TENM3: variants seen among roughly 807,000 people sequenced by gnomAD.
TENM3 encodes teneurin transmembrane protein 3.
A neutral mutation model predicts 255.1 loss-of-function variants in TENM3; 63 were observed. The observed-to-expected ratio is 0.25, with a 90% confidence interval of 0.20 to 0.30. The LOEUF (loss-of-function observed/expected upper bound fraction) is 0.30. Ranked by LOEUF, TENM3 falls within the 10% of genes least tolerant of loss-of-function variation. TENM3 has a pLI of 1.00. For missense variants in TENM3, 2,929 were observed against 3,461.1 expected (o/e 0.85, Z 3.86); for synonymous variants, 1,306 against 1,322.3 (o/e 0.99, Z 0.27).
intron 1 of TENM3, among the ~76,000 whole-genome samples, chr4:182,220,068 T>C (rs2149953969): frequency 6.6e-6 from 1 of 152,212 alleles, no homozygotes; most frequent in East Asian, 1.9e-4. Context: ...TCTTCTGATC[T>C]GGTGGCTTGT....
rs182836173 is a variant in TENM3 at position 182,721,530 on chromosome 4, G to A, written c.2368+7297G>A. Among the ~76,000 whole-genome samples the A allele has an allele frequency of 1.4e-4, 21 of 152,086 alleles. No individual in the cohort carries two copies. The East Asian group carries it at 2.7e-3, about 20-fold the overall frequency. On this transcript the variant is annotated intron_variant, in intron 13 of 27. Transcript: ENST00000511685. ...CTTAGTATAGAGACAAATCTGTAGC[G>A]AATCTGTGTGTGTGTGTGTGAGTGT...
At chr4:182,063,522 C>A in the TENM3 span, among the ~76,000 whole-genome samples, 1 of 152,200 alleles carries the variant, frequency 6.6e-6, no homozygotes. Flanking sequence ...CCTGTTTATT[C>A]AAGTGCTCCC....
At chr4:182,720,908 C>T (rs1321063084) in intron 13 of TENM3, among the ~76,000 whole-genome samples, 3 of 151,994 alleles carry the variant, frequency 2.0e-5, no homozygotes, top group Non-Finnish European at 2.9e-5. Context: ...GCTGGAATTA[C>T]AGGCGCTTGC....
Position 182,553,539 on chromosome 4 carries a change from AT to A in TENM3, c.512-47382del, listed in dbSNP as rs1300668915. 2.6e-3 allele frequency among the ~76,000 whole-genome samples: 393 copies of A among 150,804 alleles called. 1 individual carries two copies. Among genetic ancestry groups the A allele is most frequent in the African/African-American group, 8.7e-3 (356 of 40,792 alleles). ...GAACTTAAAGTATAATAATAATAAAATTTAAAAAAAAAAAGAAAATTGAAAC... is the reference window on the plus strand; with the variant it reads ...GAACTTAAAGTATAATAATAATAAAATTAAAAAAAAAAAGAAAATTGAAAC... On this transcript the variant is annotated intron_variant, in intron 3 of 27. Transcript: ENST00000511685.
chr4:181,913,132 C>A, the TENM3 span, among the ~76,000 whole-genome samples: 1 of 152,042 alleles, frequency 6.6e-6, no homozygotes, highest in African/African-American at 2.4e-5. Flanking sequence ...GATGAGCTGT[C>A]CATCTCACTG....
chr4:181,993,297 T>G, the TENM3 span, among the ~76,000 whole-genome samples: 1 of 152,180 alleles, frequency 6.6e-6, no homozygotes, highest in Non-Finnish European at 1.5e-5. Context: ...AGATGCTAAC[T>G]TCACTCATTA....
rs192260028 is a variant in TENM3 at position 182,768,534 on chromosome 4, G to A, written c.4893-4938G>A. Among the ~76,000 whole-genome samples, 119 of 152,144 alleles carry A rather than the reference G, an allele frequency of 7.8e-4. 1 individual carries two copies. The highest frequency in any genetic ancestry group is 2.7e-3 in the African/African-American group (114 of 41,502). On this transcript the variant is annotated intron_variant, in intron 22 of 27. Transcript: ENST00000511685. ...AGATAGACCCATTTTAAAAGTCTAG[G>A]GAAGCTCTGGGAATAGAAAGATAAA...
chr4:181,883,699 G>C, the TENM3 span, among the ~76,000 whole-genome samples: 93 of 152,056 alleles, frequency 6.1e-4, no homozygotes, highest in Non-Finnish European at 1.0e-3. Flanking sequence ...GGATGGTCTC[G>C]ATCTCCTGAC....
In TENM3 at chr4:182,800,524, A is replaced by C. The variant is rs963606093; in HGVS notation, c.*173A>C. 2.7e-5 allele frequency: 20 copies of C among 739,390 alleles called. No homozygotes were observed. In the African/African-American group the frequency reaches 3.5e-4, roughly 13 times the overall value. 45.8% of individuals were successfully genotyped at this position (739,390 alleles called of 1,614,324 possible). ...ACCGCTTTTTTCCGAATGACCTTAAAGGTGATCGGCTTTAACGAATATGTT... is the reference window on the plus strand; with the variant it reads ...ACCGCTTTTTTCCGAATGACCTTAACGGTGATCGGCTTTAACGAATATGTT... On this transcript the variant is annotated 3_prime_UTR_variant, in exon 28 of 28. Transcript: ENST00000511685.
the TENM3 span, among the ~76,000 whole-genome samples, chr4:181,684,019 T>A: frequency 0.014 from 2,101 of 152,192 alleles, 113 homozygotes; most frequent in East Asian, 0.094. Flanking sequence ...TAACAAATAG[T>A]AGTTATTATT....
chr4:182,323,924 T>G, intron 1 of TENM3, 22 bp from the exon 2 acceptor site: 4 of 1,055,364 alleles, frequency 3.8e-6, no homozygotes, highest in Non-Finnish European at 5.6e-6. Flanking sequence ...GCTGACCTCA[T>G]GCAAACCTTG....
At chr4:181,544,851 A>G in the TENM3 span, among the ~76,000 whole-genome samples, 2 of 152,198 alleles carry the variant, frequency 1.3e-5, no homozygotes, top group Non-Finnish European at 2.9e-5. Flanking sequence ...GCTGTGAAAA[A>G]CAGTGGGTCT....
chr4:182,093,544 A>C, the TENM3 span, among the ~76,000 whole-genome samples: 1 of 152,182 alleles, frequency 6.6e-6, no homozygotes, highest in African/African-American at 2.4e-5. Flanking sequence ...GGCAGAGTGC[A>C]GAGACAGGTG....
At chr4:182,752,310 A>G (rs1411475840) in intron 20 of TENM3, among the ~76,000 whole-genome samples, 1 of 141,008 alleles carries the variant, frequency 7.1e-6, no homozygotes, top group African/African-American at 2.6e-5. Flanking sequence ...GCAACTAACT[A>G]CTCTATATAA....
intron 1 of TENM3, among the ~76,000 whole-genome samples, chr4:182,303,075 T>C (rs890308120): frequency 3.9e-5 from 6 of 152,162 alleles, no homozygotes; most frequent in African/African-American, 1.4e-4. Context: ...TGATTAGTTA[T>C]GGGAATTGCG....
At chr4:181,809,408 A>T in the TENM3 span, among the ~76,000 whole-genome samples, 1 of 152,214 alleles carries the variant, frequency 6.6e-6, no homozygotes, top group Non-Finnish European at 1.5e-5. Context: ...AAGTGCTTAC[A>T]TATAATTATC....
At chr4:182,000,830 AAAG>A in the TENM3 span, among the ~76,000 whole-genome samples, 1 of 149,994 alleles carries the variant, frequency 6.7e-6, no homozygotes, top group Admixed American at 6.6e-5. Flanking sequence ...TTAAGTCCAG[AAAG>A]AAGACTATTA....
intron 3 of TENM3, among the ~76,000 whole-genome samples, chr4:182,412,332 G>A (rs988795099): frequency 3.3e-5 from 5 of 151,992 alleles, no homozygotes; most frequent in African/African-American, 1.2e-4. Context: ...GGTGAATGAA[G>A]GCAACCAAAA....
At chr4:181,589,401 G>A in the TENM3 span, among the ~76,000 whole-genome samples, 81 of 152,176 alleles carry the variant, frequency 5.3e-4, no homozygotes, top group African/African-American at 1.6e-3. Flanking sequence ...TCAATATTTG[G>A]TTTCTTTAGG....
Sources: allele counts gnomAD v4.1 joint callset (sites outside exome capture counted in the v4.1 genomes callset), GRCh38; gene constraint gnomAD v4.1.1; transcripts MANE v1.5; gene names NCBI Gene and HGNC (gene_info 2026-07-23, HGNC 2026-07-21).